The following MKNK2 variants were observed in gnomAD, a reference collection of about 807,000 sequenced individuals.
MKNK2 encodes the protein MAP kinase-interacting serine/threonine-protein kinase 2.
In MKNK2, 54 loss-of-function variants were observed where a neutral mutation model predicts 55.0. The ratio of observed to expected loss-of-function variants is 0.98; its 90% confidence interval spans 0.79 to 1.23. The LOEUF (loss-of-function observed/expected upper bound fraction) is 1.23, where lower values mean the gene tolerates loss of function less well. MKNK2 is among the 50% of genes most tolerant of loss of function. The probability of loss-of-function intolerance (pLI) is 0.00; values close to 1 mark genes in which losing one functional copy is unlikely to be tolerated. For synonymous variants in MKNK2, 323 were observed against 256.0 expected, an observed-to-expected ratio of 1.26 and a Z score of -2.50; for missense variants, 685 against 632.1, an observed-to-expected ratio of 1.08 and a Z score of -0.90.
chr19:2,043,099 C>G, intron 7 of MKNK2, 25 bp downstream of exon 7: 1 of 1,598,368 alleles, frequency 6.3e-7, no homozygotes, highest in Non-Finnish European at 8.6e-7. Context: ...TCCCTCCCTC[C>G]TCACAGCCTG....
chr19:2,043,423 TG>T, intron 6 of MKNK2, 79 bp downstream of exon 6: 1 of 1,358,818 alleles, frequency 7.4e-7, no homozygotes, highest in Non-Finnish European at 1.1e-6. Flanking sequence ...AGACGCTTGC[TG>T]GGGGTGATGT....
intron 2 of MKNK2, among the ~76,000 whole-genome samples, chr19:2,049,512 G>C (rs893546099): frequency 6.6e-6 from 1 of 152,176 alleles, no homozygotes; most frequent in Non-Finnish European, 1.5e-5. Flanking sequence ...ATGCACAGAG[G>C]CCGGCCCACA....
Position 2,043,122 on chromosome 19 carries a change from A to G in MKNK2, c.493+2T>C, listed in dbSNP as rs1240896900. ...TCCTCACAGCCTGGAGCCCCCAGGTACCTCCCCGCATCTTCTCAAACACCA... is the reference window on the plus strand; with the variant it reads ...TCCTCACAGCCTGGAGCCCCCAGGTGCCTCCCCGCATCTTCTCAAACACCA... On this transcript the variant is annotated splice_donor_variant, in intron 7 of 13. Transcript: ENST00000250896. LOFTEE classifies it high-confidence loss of function. The G allele has an allele frequency of 1.9e-6, 3 of 1,601,990 alleles. No homozygotes were observed. Among genetic ancestry groups the G allele is most frequent in the Admixed American group, 1.7e-5 (1 of 59,136 alleles).
chr19:2,043,405 T>G, intron 6 of MKNK2, 98 bp downstream of exon 6: 2 of 1,210,480 alleles, frequency 1.7e-6, no homozygotes, highest in Non-Finnish European at 2.4e-6. Context: ...GGAAACTGGG[T>G]GCCCTACAGA....
chr19:2,043,252 A>G lies in MKNK2; in HGVS notation c.420-55T>C. 4 of 1,442,470 alleles carry G rather than the reference A, an allele frequency of 2.8e-6. No homozygotes were observed. The South Asian group carries it at 4.6e-5, about 17-fold the overall frequency. 89.4% of individuals were successfully genotyped at this position (1,442,470 alleles called of 1,614,324 possible). ...CTGAGGCTTCCTGAGGCCCCTGGGT[A>G]CCTGCTGCCCGGCCTAGGAGGGGCC... On this transcript the variant is annotated intron_variant, in intron 6 of 13. Coordinates refer to ENST00000250896, the MANE Select transcript of MKNK2 (RefSeq NM_199054.3).
rs1160396956 is a variant in MKNK2, at chr19:2,038,147, G to A, written c.*1466C>T. 2.8e-6 allele frequency: 3 copies of A among 1,052,916 alleles called. No homozygotes were observed. The highest frequency in any genetic ancestry group is 3.4e-6 in the Non-Finnish European group (3 of 874,492). 65.2% of individuals were successfully genotyped at this position (1,052,916 alleles called of 1,614,324 possible). On this transcript the variant is annotated 3_prime_UTR_variant, in exon 14 of 14. Coordinates refer to ENST00000250896, the MANE Select transcript of MKNK2 (RefSeq NM_199054.3). ...GACCATCATACGAGATTCAGGAGGG[G>A]CAGCAGGGCCAGGCAGACGGTCTCC...
intron 2 of MKNK2, among the ~76,000 whole-genome samples, chr19:2,050,575 G>T (rs923175023): frequency 1.3e-5 from 2 of 152,218 alleles, no homozygotes; most frequent in Non-Finnish European, 2.9e-5. Context: ...GGTCCTGGAG[G>T]AAGGACCCGG....
chr19:2,046,803 C>A, intron 2 of MKNK2, 112 bp from the exon 3 acceptor site: 1 of 836,424 alleles, frequency 1.2e-6, no homozygotes, highest in Non-Finnish European at 1.8e-6. Context: ...CTGCGCTGAG[C>A]ATTACGGAAA....
Position 2,039,605 on chromosome 19 carries a change from T to C in MKNK2, c.*8A>G, listed in dbSNP as rs746953502. 4.8e-5 allele frequency: 77 copies of C among 1,607,280 alleles called. No homozygotes were observed. The South Asian group carries it at 8.5e-4, about 18-fold the overall frequency. On this transcript the variant is annotated 3_prime_UTR_variant, in exon 14 of 14. Coordinates refer to ENST00000250896, the MANE Select transcript of MKNK2 (RefSeq NM_199054.3). ...GGGTGACCTATGTACAGAGGGGAGA[T>C]GGGAGGGTCAGGCGTGGTCTCCCAC...
chr19:2,041,168 C>A lies in MKNK2; in HGVS notation c.982G>T (p.Glu328Ter). Reference sequence around the variant, plus strand: ...TGGGCCCAGTCCTTGTCGGGGAACTCGTACTTGCCCTCCTGGATGCTCTCA... The same window carrying A: ...TGGGCCCAGTCCTTGTCGGGGAACTAGTACTTGCCCTCCTGGATGCTCTCA... The part of the protein sequence containing the change: ...LFESIQEGKY[E>*]FPDKDWAHIS... The change falls in exon 12 of 14, where the codon GAG becomes TAG. Residue 328 changes from glutamate to a stop codon, truncating the protein, a stop_gained. Coordinates refer to ENST00000250896, the MANE Select transcript of MKNK2 (RefSeq NM_199054.3). LOFTEE classifies it high-confidence loss of function. 2.5e-6 allele frequency: 4 copies of A among 1,613,932 alleles called. No individual in the cohort carries two copies. The highest frequency in any genetic ancestry group is 3.4e-6 in the Non-Finnish European group (4 of 1,179,896).
intron 4 of MKNK2, 31 bp downstream of exon 4, chr19:2,046,329 CGCTCCCG>C (rs746896811): frequency 2.5e-6 from 4 of 1,603,676 alleles, no homozygotes; most frequent in Non-Finnish European, 3.4e-6. Flanking sequence ...GGCTTTTCCC[CGCTCCCG>C]GCTCCCCCAA....
chr19:2,038,865 G>C lies in MKNK2; in HGVS notation c.*748C>G, dbSNP rs375302836. The C allele has an allele frequency of 5.1e-6, 5 of 985,624 alleles. No homozygotes were observed. The highest frequency in any genetic ancestry group is 6.0e-6 in the Non-Finnish European group (5 of 829,982). The allele number at this position is 985,624 out of a possible 1,614,324, so 61.1% of individuals were successfully genotyped here. On this transcript the variant is annotated 3_prime_UTR_variant, in exon 14 of 14. Coordinates refer to ENST00000250896, the MANE Select transcript of MKNK2 (RefSeq NM_199054.3). ...CCTTGGTGTGGAGGGGAGGGGCAGC[G>C]GCGAGCCCCTGGGGTCAGCTGCAGT... is the stretch of plus-strand genomic sequence containing the variant.
Position 2,038,461 on chromosome 19 carries a change from G to C in MKNK2, c.*1152C>G, listed in dbSNP as rs1399206714. 1.0e-6 allele frequency: 1 copy of C among 985,588 alleles called. No individual in the cohort carries two copies. The allele number at this position is 985,588 out of a possible 1,614,324, so 61.1% of individuals were successfully genotyped here. ...GGGGCAGCAGGCTCCGCAGCCCCCG[G>C]GGGTTGGAGCATGGAGGGTGGGGGG... On this transcript the variant is annotated 3_prime_UTR_variant, in exon 14 of 14. Transcript: ENST00000250896.
Position 2,050,900 on chromosome 19 carries a change from G to A in MKNK2, c.-49C>T, listed in dbSNP as rs1316731066. On this transcript the variant is annotated 5_prime_UTR_variant, in exon 2 of 14. Transcript: ENST00000250896. ...GGGGAGGGGACCGAGGGCCCGGGGGGAGGCCCGAGGGCGGGCGGCCGGGCG... is the reference window on the plus strand; with the variant it reads ...GGGGAGGGGACCGAGGGCCCGGGGGAAGGCCCGAGGGCGGGCGGCCGGGCG... 9 of 1,436,496 alleles carry A rather than the reference G, an allele frequency of 6.3e-6. No individual in the cohort carries two copies. Among genetic ancestry groups the A allele is most frequent in the African/African-American group, 4.5e-5 (3 of 67,008 alleles). The allele number at this position is 1,436,496 out of a possible 1,614,324, so 89.0% of individuals were successfully genotyped here. A position where few individuals can be genotyped will look rare whatever the true frequency, so the allele number is the denominator to read the frequency against.
At chr19:2,050,492 G>A (rs1240888449) in intron 2 of MKNK2, among the ~76,000 whole-genome samples, 1 of 152,234 alleles carries the variant, frequency 6.6e-6, no homozygotes, top group Admixed American at 6.5e-5. Context: ...AACATACCCG[G>A]CGGGGGCTTG....
At chr19:2,040,911 G>A (rs562588301) in intron 12 of MKNK2, 129 bp downstream of exon 12, 10 of 927,202 alleles carry the variant, frequency 1.1e-5, no homozygotes, top group East Asian at 1.0e-4. Context: ...CCAGGGCAGA[G>A]CCTGTGCTCT....
chr19:2,040,367 C>T (rs1042135204), intron 12 of MKNK2, 190 bp from the exon 13 acceptor site: 2 of 559,998 alleles, frequency 3.6e-6, no homozygotes, highest in Non-Finnish European at 6.2e-6. Flanking sequence ...CTCCATGTCC[C>T]CCTGCCCAGG....
Position 2,039,575 on chromosome 19 carries a change from G to A in MKNK2, c.*38C>T. The A allele has an allele frequency of 1.9e-6, 3 of 1,574,934 alleles. No individual in the cohort carries two copies. Among genetic ancestry groups the A allele is most frequent in the Non-Finnish European group, 2.6e-6 (3 of 1,156,158 alleles). The stretch of plus-strand genomic sequence containing the variant: ...TTAAAAAACCTTTAGATTTGATTGG[G>A]GGACGGGTGACCTATGTACAGAGGG... On this transcript the variant is annotated 3_prime_UTR_variant, in exon 14 of 14. Transcript: ENST00000250896.
rs551323245 is a variant in MKNK2, at chr19:2,038,912, G to A, written c.*701C>T. 11 of 985,554 alleles carry A rather than the reference G, an allele frequency of 1.1e-5. No homozygotes were observed. In the Admixed American group the frequency reaches 1.8e-4, roughly 17 times the overall value. The allele number at this position is 985,554 out of a possible 1,614,324, so 61.1% of individuals were successfully genotyped here. A position where few individuals can be genotyped will look rare whatever the true frequency, so the allele number is the denominator to read the frequency against. On this transcript the variant is annotated 3_prime_UTR_variant, in exon 14 of 14. Transcript: ENST00000250896. ...CAGTTTAAGGTCAAGGTCGGAGGCC[G>A]AATCTGGCCACCAGGAGTCCTGGAC... is the stretch of plus-strand genomic sequence containing the variant.
Sources: allele counts gnomAD v4.1 joint callset (sites outside exome capture counted in the v4.1 genomes callset), GRCh38; gene constraint gnomAD v4.1.1; transcripts MANE v1.5; gene names NCBI Gene and HGNC (gene_info 2026-07-23, HGNC 2026-07-21).